The following WIPF3 variants were observed in gnomAD, a reference collection of about 807,000 sequenced individuals.
WIPF3 encodes WAS/WASL interacting protein family member 3.
WIPF3 carries 33 observed loss-of-function variants against 38.9 expected under a neutral mutation model. The ratio of observed to expected loss-of-function variants is 0.85; its 90% CI spans 0.64 to 1.14. The LOEUF is 1.14. Among genes scored for constraint, WIPF3 ranks in the 50% most tolerant of loss-of-function variants. The pLI is 0.00. For missense variants in WIPF3, 711 were observed against 652.5 expected (o/e 1.09, Z -0.98); for synonymous variants, 324 against 269.3 (o/e 1.20, Z -1.99).
Position 29,809,395 on chromosome 7 carries a change from A to T in WIPF3, c.-58+2717A>T, listed in dbSNP as rs371818228. Among the ~76,000 whole-genome samples the T allele has an allele frequency of 1.1e-4, 17 of 152,332 alleles. No homozygotes were observed. The South Asian group carries it at 3.3e-3, about 30-fold the overall frequency. On this transcript the variant is annotated intron_variant, in intron 1 of 8. Coordinates refer to ENST00000242140, the MANE Select transcript of WIPF3 (RefSeq NM_001080529.3). ...CTGCATCACAAAGTTATCTTTAGGCAAGTTTGCCTTGTCACAGTGGTGCTT... is the reference window on the plus strand; with the variant it reads ...CTGCATCACAAAGTTATCTTTAGGCTAGTTTGCCTTGTCACAGTGGTGCTT...
chr7:29,910,430 C>T (rs1238190794), intron 8 of WIPF3, among the ~76,000 whole-genome samples: 3 of 152,084 alleles, frequency 2.0e-5, no homozygotes, highest in Non-Finnish European at 4.4e-5. Context: ...TTCTATGAGA[C>T]CAGCATTATC....
intron 7 of WIPF3, among the ~76,000 whole-genome samples, chr7:29,896,830 A>G (rs570696049): frequency 4.6e-5 from 7 of 152,372 alleles, no homozygotes; most frequent in African/African-American, 1.7e-4. Flanking sequence ...TGTTAACATA[A>G]TGATGGTATA....
intron 2 of WIPF3, among the ~76,000 whole-genome samples, chr7:29,874,516 AGTG>A (rs1204645287): frequency 6.6e-6 from 1 of 152,168 alleles, no homozygotes; most frequent in East Asian, 1.9e-4. Flanking sequence ...AGGCCTCTGA[AGTG>A]GTGATATTTA....
intron 2 of WIPF3, among the ~76,000 whole-genome samples, chr7:29,867,761 G>A (rs1785417189): frequency 6.6e-6 from 1 of 151,966 alleles, no homozygotes; most frequent in Non-Finnish European, 1.5e-5. Context: ...TAAAAAGGGT[G>A]AAGACATTAG....
chr7:29,879,021 C>A lies in WIPF3; in HGVS notation c.236C>A (p.Thr79Asn), dbSNP rs1418622975. Residue 79 changes from threonine (T) to asparagine (N), a missense_variant, in exon 4 of 9, where the codon ACC (threonine) becomes AAC (asparagine). Coordinates refer to ENST00000242140, the MANE Select transcript of WIPF3 (RefSeq NM_001080529.3). ...SAPQIESSKG[T>N]NKEGGGSANT... ...CTTCTCTCTAAAGGTTCTAAAGGAA[C>A]CAACAAAGAAGGAGGAGGTTCTGCA... The A allele has an allele frequency of 6.3e-7, 1 of 1,599,136 alleles. No homozygotes were observed. Among genetic ancestry groups the A allele is most frequent in the Non-Finnish European group, 8.5e-7 (1 of 1,171,936 alleles).
At position 29,883,991 on chromosome 7, in the gene WIPF3, C is replaced by T. The variant is rs1785780789; in HGVS notation, c.497C>T (p.Pro166Leu). The T allele has an allele frequency of 2.6e-6, 4 of 1,535,830 alleles. No homozygotes were observed. The highest frequency in any genetic ancestry group is 1.9e-4 in the Middle Eastern group (1 of 5,368). Reference protein sequence around the residue: ...SEAHGAARTAPPRPNVPAPPP... With the variant: ...SEAHGAARTALPRPNVPAPPP... ...GCGCATGGCGCTGCCAGGACAGCCCCGCCTCGCCCCAACGTGCCTGCCCCG... is the reference window on the plus strand; with the variant it reads ...GCGCATGGCGCTGCCAGGACAGCCCTGCCTCGCCCCAACGTGCCTGCCCCG... The change falls in exon 5 of 9, where the codon CCG (proline) becomes CTG (leucine). Residue 166 changes from proline to leucine, a missense_variant. By Grantham distance (98) the Pro-to-Leu change is moderately conservative. Transcript: ENST00000242140.
chr7:29,914,179 G>T (rs1786559189), intron 8 of WIPF3, among the ~76,000 whole-genome samples: 1 of 152,144 alleles, frequency 6.6e-6, no homozygotes, highest in African/African-American at 2.4e-5. Flanking sequence ...GCCTTAACTT[G>T]GGGTCTCCAG....
At chr7:29,835,614 T>C (rs911335338) in intron 2 of WIPF3, among the ~76,000 whole-genome samples, 2 of 152,148 alleles carry the variant, frequency 1.3e-5, no homozygotes, top group Non-Finnish European at 2.9e-5. Flanking sequence ...GCACACACGG[T>C]TTCAGAAAAA....
At chr7:29,830,779 A>G (rs1452818671) in intron 1 of WIPF3, among the ~76,000 whole-genome samples, 2 of 152,184 alleles carry the variant, frequency 1.3e-5, no homozygotes, top group East Asian at 3.8e-4. Flanking sequence ...AGCGTCTACC[A>G]CGTGGTTGTT....
intron 7 of WIPF3, among the ~76,000 whole-genome samples, chr7:29,893,336 G>A (rs1297857816): frequency 3.3e-5 from 5 of 152,314 alleles, no homozygotes; most frequent in Non-Finnish European, 5.9e-5. Flanking sequence ...GGCAGGTGGA[G>A]CGCAGGGTAT....
chr7:29,907,945 T>C (rs775566487), intron 8 of WIPF3, among the ~76,000 whole-genome samples: 2 of 151,856 alleles, frequency 1.3e-5, no homozygotes, highest in African/African-American at 4.8e-5. Flanking sequence ...AAAGAAAGGG[T>C]ATGAGGTACA....
chr7:29,853,367 G>A lies in WIPF3; in HGVS notation c.90+18553G>A, dbSNP rs542776887. ...AGCAGGTGTGCATGGGAGACCCACA[G>A]CATCTGCTATGGCTGTGCTTCTCAC... On this transcript the variant is annotated intron_variant, in intron 2 of 8. Transcript: ENST00000242140. Among the ~76,000 whole-genome samples, 3 of 152,344 alleles carry A rather than the reference G, an allele frequency of 2.0e-5. No homozygotes were observed. The East Asian group carries it at 5.8e-4, about 29-fold the overall frequency.
chr7:29,891,331 G>A (rs1221834525), intron 7 of WIPF3, among the ~76,000 whole-genome samples: 3 of 151,686 alleles, frequency 2.0e-5, no homozygotes, highest in African/African-American at 7.3e-5. Context: ...CTGGTCGGGG[G>A]AAAGTGGGCC....
intron 2 of WIPF3, among the ~76,000 whole-genome samples, chr7:29,849,276 A>C (rs1785052268): frequency 6.6e-6 from 1 of 152,174 alleles, no homozygotes; most frequent in South Asian, 2.1e-4. Context: ...GGATACAAGC[A>C]ACAGGAATGT....
At chr7:29,810,707 CT>C (rs1404642886) in intron 1 of WIPF3, among the ~76,000 whole-genome samples, 3 of 152,072 alleles carry the variant, frequency 2.0e-5, no homozygotes, top group African/African-American at 7.2e-5. Context: ...ATTATTTATT[CT>C]TTTGTATAAC....
chr7:29,832,397 A>G (rs1784736619), intron 1 of WIPF3, among the ~76,000 whole-genome samples: 1 of 152,200 alleles, frequency 6.6e-6, no homozygotes. Flanking sequence ...CATTGTGTGT[A>G]TTAGTTTAGT....
At chr7:29,835,107 T>C (rs1044021701) in intron 2 of WIPF3, among the ~76,000 whole-genome samples, 77 of 151,956 alleles carry the variant, frequency 5.1e-4, no homozygotes, top group African/African-American at 1.7e-3. Flanking sequence ...CTGAGTGACT[T>C]TCTGTCTCAC....
chr7:29,867,858 G>T (rs542780173), intron 2 of WIPF3, among the ~76,000 whole-genome samples: 11 of 152,246 alleles, frequency 7.2e-5, no homozygotes, highest in Admixed American at 3.9e-4. Context: ...TAAATGTCAG[G>T]GGAGGCAGAG....
At chr7:29,865,371 C>G (rs1314369983) in intron 2 of WIPF3, among the ~76,000 whole-genome samples, 2 of 152,168 alleles carry the variant, frequency 1.3e-5, no homozygotes, top group Non-Finnish European at 2.9e-5. Flanking sequence ...GAACTGACCC[C>G]TGAACTCAGC....
Sources: gnomAD v4.1 joint callset for allele counts (sites outside exome capture counted in the v4.1 genomes callset) on GRCh38, gnomAD v4.1.1 for gene constraint, MANE v1.5 for transcripts, NCBI Gene and HGNC (gene_info 2026-07-23, HGNC 2026-07-21) for gene names.